The following JAML variants were observed in gnomAD, a reference collection of about 807,000 sequenced individuals.
JAML encodes the protein junctional adhesion molecule-like.
A neutral mutation model predicts 39.3 loss-of-function variants in JAML; 25 were observed. The observed-to-expected ratio is 0.64, with a 90% CI of 0.46 to 0.89. The LOEUF is 0.89. Among genes scored for constraint, JAML ranks in the 40% least tolerant of loss-of-function variants. The pLI, the probability that JAML is intolerant of heterozygous loss-of-function variation, is 0.00. For synonymous variants in JAML, 162 were observed against 179.2 expected (o/e 0.90, Z 0.77); for missense variants, 440 against 486.9 (o/e 0.90, Z 0.91).
chr11:118,198,055 C>G lies in JAML; in HGVS notation c.948G>C (p.Lys316Asn), dbSNP rs143200263. 4.9e-5 allele frequency: 79 copies of G among 1,614,166 alleles called. No homozygotes were observed. The African/African-American group carries it at 9.7e-4, about 20-fold the overall frequency. The stretch of plus-strand genomic sequence containing the variant: ...TTTCTTTTATCTCTGGATTAGTCTT[C>G]TTCGTGTTCTTCACCAAGACTGTAG... ...VNSTVLVKNT[K>N]KTNPEIKEKP... The change falls in exon 8 of 10, where the codon AAG becomes AAC. Residue 316 changes from lysine to asparagine, a missense_variant. Coordinates refer to ENST00000356289, the MANE Select transcript of JAML (RefSeq NM_001098526.2).
intron 1 of JAML, among the ~76,000 whole-genome samples, chr11:118,215,851 A>G (rs577218995): frequency 5.3e-5 from 8 of 152,170 alleles, no homozygotes; most frequent in Non-Finnish European, 1.2e-4. Context: ...TTAGCTAAAC[A>G]GAAGAACCCT....
At chr11:118,200,675 C>T in intron 6 of JAML, 63 bp from the exon 7 acceptor site, 1 of 1,591,804 alleles carries the variant, frequency 6.3e-7, no homozygotes, top group Admixed American at 1.7e-5. Context: ...GAGAGCCCCA[C>T]AGCCCTATAC....
At chr11:118,203,309 C>T (rs1948849100) in intron 6 of JAML, 119 bp downstream of exon 6, 1 of 918,256 alleles carries the variant, frequency 1.1e-6, no homozygotes, top group Non-Finnish European at 1.8e-6. Flanking sequence ...AGAGTCAGCA[C>T]CTGAGAGGGA....
rs534518304 is a variant in JAML, at chr11:118,222,024, A to G, written c.-21+2917T>C. Among the ~76,000 whole-genome samples the G allele has an allele frequency of 2.6e-5, 4 of 152,340 alleles. No individual in the cohort carries two copies. Among genetic ancestry groups the G allele is most frequent in the Middle Eastern group, 3.4e-3 (1 of 294 alleles). Reference sequence around the variant, plus strand: ...TTGTCCTGGCTAAAATCTGGTAATAAAAGATTTTTATAGGATTTTTATTTT... The same window carrying G: ...TTGTCCTGGCTAAAATCTGGTAATAGAAGATTTTTATAGGATTTTTATTTT... On this transcript the variant is annotated intron_variant, in intron 1 of 9. Transcript: ENST00000356289. The surrounding 1 kb of genome is among the most constrained non-coding windows in gnomAD (Gnocchi z 4.2).
intron 5 of JAML, 70 bp from the exon 6 acceptor site, chr11:118,203,735 G>A: frequency 7.5e-7 from 1 of 1,338,988 alleles, no homozygotes; most frequent in Non-Finnish European, 1.1e-6. Context: ...GAAAATGGGG[G>A]AGGGAAGATC....
intron 4 of JAML, among the ~76,000 whole-genome samples, chr11:118,208,123 C>T (rs1253551772): frequency 1.3e-5 from 2 of 151,378 alleles, no homozygotes; most frequent in Non-Finnish European, 2.9e-5. Flanking sequence ...CCTAGCTACT[C>T]GGGAAGTTGA....
intron 6 of JAML, chr11:118,202,809 G>A (rs994827525): frequency 3.5e-5 from 14 of 394,696 alleles, no homozygotes; most frequent in Admixed American, 1.1e-4. Context: ...AAGTCCACAG[G>A]CCACATCCTG....
chr11:118,194,805 C>A (rs1184845366), intron 9 of JAML, among the ~76,000 whole-genome samples: 1 of 152,220 alleles, frequency 6.6e-6, no homozygotes, highest in Non-Finnish European at 1.5e-5. Context: ...CTCTTTGTTA[C>A]CCCTGCTCCC....
In JAML at chr11:118,222,278, G is replaced by A. The variant is rs1324205796; in HGVS notation, c.-21+2663C>T. Among the ~76,000 whole-genome samples, 3 of 152,130 alleles carry A rather than the reference G, an allele frequency of 2.0e-5. No homozygotes were observed. The East Asian group carries it at 5.8e-4, about 29-fold the overall frequency. On this transcript the variant is annotated intron_variant, in intron 1 of 9. Coordinates refer to ENST00000356289, the MANE Select transcript of JAML (RefSeq NM_001098526.2). The surrounding 1 kb of genome is among the most constrained non-coding windows in gnomAD (Gnocchi z 4.2). ...AAAAAAAAAATACAAAAATTAGCTG[G>A]ATGTAGTGGCAGGCACCTGTAGTCC...
chr11:118,217,622 A>G lies in JAML; in HGVS notation c.-20-2736T>C, dbSNP rs1949160822. Among the ~76,000 whole-genome samples, 4 of 152,230 alleles carry G rather than the reference A, an allele frequency of 2.6e-5. No homozygotes were observed. The South Asian group carries it at 8.3e-4, about 32-fold the overall frequency. ...TAAAAGATCAGACCTTTTTCTTAAT[A>G]TAGCAGCACACTAGAAATCAGTAGT... On this transcript the variant is annotated intron_variant, in intron 1 of 9. Coordinates refer to ENST00000356289, the MANE Select transcript of JAML (RefSeq NM_001098526.2).
At chr11:118,207,369 T>C (rs936831302) in intron 4 of JAML, among the ~76,000 whole-genome samples, 3 of 152,160 alleles carry the variant, frequency 2.0e-5, no homozygotes, top group Admixed American at 2.0e-4. Context: ...AGGAACCCAA[T>C]GCCACATGGC....
In JAML at chr11:118,195,678, T is replaced by G. The variant is rs577887665; in HGVS notation, c.1092+1057A>C. On this transcript the variant is annotated intron_variant, in intron 9 of 9. Transcript: ENST00000356289. ...ATCCAGCATGCAGCCTGCCTGGCAG[T>G]TAGGTTATGAGAAGGTATAATAAGT... Among the ~76,000 whole-genome samples the G allele has an allele frequency of 2.0e-5, 3 of 152,218 alleles. No individual in the cohort carries two copies. The East Asian group carries it at 5.8e-4, about 29-fold the overall frequency.
chr11:118,206,078 AG>A, intron 4 of JAML, 87 bp from the exon 5 acceptor site: 1 of 1,208,764 alleles, frequency 8.3e-7, no homozygotes, highest in Admixed American at 1.7e-5. Context: ...GTTTAGCCAA[AG>A]ACCCTCAGCA....
intron 7 of JAML, 45 bp from the exon 8 acceptor site, chr11:118,198,136 T>G: frequency 6.5e-7 from 1 of 1,528,854 alleles, no homozygotes; most frequent in Non-Finnish European, 9.1e-7. Flanking sequence ...CGGGCATGGT[T>G]TATTCAAGGG....
In JAML at chr11:118,224,948, G is replaced by A. The variant is rs1317648958; in HGVS notation, c.-28C>T. 1 of 152,206 alleles carries A rather than the reference G, an allele frequency of 6.6e-6. No homozygotes were observed. The highest frequency in any genetic ancestry group is 2.4e-5 in the African/African-American group (1 of 41,448). 9.4% of individuals were successfully genotyped at this position (152,206 alleles called of 1,614,324 possible). A position where few individuals can be genotyped will look rare whatever the true frequency, so the allele number is the denominator to read the frequency against. On this transcript the variant is annotated 5_prime_UTR_variant, in exon 1 of 10. Coordinates refer to ENST00000356289, the MANE Select transcript of JAML (RefSeq NM_001098526.2). ...TTCAAAGCAACTGCTTACCCAAGAT[G>A]AAGAGCACCCAGGGGAGGCAATGCA...
intron 2 of JAML, chr11:118,213,294 G>A: frequency 1.9e-6 from 2 of 1,063,178 alleles, no homozygotes; most frequent in Non-Finnish European, 2.3e-6. Flanking sequence ...TATGCAAAGA[G>A]ACAACAAAAT....
intron 1 of JAML, among the ~76,000 whole-genome samples, chr11:118,220,076 A>C (rs927782866): frequency 2.6e-5 from 4 of 152,142 alleles, no homozygotes; most frequent in African/African-American, 9.7e-5. Context: ...AAGTCCCTCT[A>C]TGTGTCACAA....
At chr11:118,207,361 G>A (rs1023833219) in intron 4 of JAML, among the ~76,000 whole-genome samples, 2 of 152,132 alleles carry the variant, frequency 1.3e-5, no homozygotes, top group Non-Finnish European at 2.9e-5. Context: ...GAAAGTAAAG[G>A]AACCCAATGC....
intron 1 of JAML, among the ~76,000 whole-genome samples, chr11:118,217,215 G>A (rs1949155860): frequency 6.6e-6 from 1 of 152,146 alleles, no homozygotes; most frequent in Non-Finnish European, 1.5e-5. Context: ...GCATATACTG[G>A]ATAAATGCTC....
Sources: gnomAD v4.1 joint callset for allele counts (sites outside exome capture counted in the v4.1 genomes callset) on GRCh38, gnomAD v4.1.1 for gene constraint, Gnocchi (gnomAD v3.1) non-coding constraint, MANE v1.5 for transcripts, NCBI Gene and HGNC (gene_info 2026-07-23, HGNC 2026-07-21) for gene names.